RAB4A: variants seen among roughly 807,000 people sequenced by gnomAD.
RAB4A encodes the protein RAB4A, member RAS oncogene family.
RAB4A carries 20 observed loss-of-function variants against 34.5 expected under a neutral mutation model. That is an observed-to-expected ratio of 0.58 (90% CI 0.41 to 0.84). The LOEUF (loss-of-function observed/expected upper bound fraction) is 0.84, where lower values mean the gene tolerates loss of function less well. RAB4A is among the 40% of genes least tolerant of loss of function. RAB4A has a pLI of 0.00. For synonymous variants in RAB4A, 102 were observed against 100.0 expected (o/e 1.02, Z -0.12); for missense variants, 228 against 274.5 (o/e 0.83, Z 1.20).
Position 229,302,847 on chromosome 1 carries a change from T to A in RAB4A, c.542-15T>A. On this transcript the variant is annotated splice_polypyrimidine_tract_variant and intron_variant, in intron 6 of 7. Coordinates refer to ENST00000366690, the MANE Select transcript of RAB4A (RefSeq NM_004578.4). The stretch of plus-strand genomic sequence containing the variant: ...ATAAAAGCCTTTTTTAAAAGAAGAC[T>A]TGCTTGGTCCTTAGGTGAGCTGGAC... 1 of 1,570,162 alleles carries A rather than the reference T, an allele frequency of 6.4e-7. No individual in the cohort carries two copies.
chr1:229,275,932 A>G (rs1656632561), intron 1 of RAB4A, among the ~76,000 whole-genome samples: 1 of 151,120 alleles, frequency 6.6e-6, no homozygotes, highest in Non-Finnish European at 1.5e-5. Flanking sequence ...GTGTATAAAT[A>G]GCATTTCAAA....
In RAB4A at chr1:229,282,943, T is replaced by A. The variant is rs144971322; in HGVS notation, c.32-3543T>A. ...CATTTGTCATCTTGACATAGGAATA[T>A]GTCTGTTACCTTTTTTCGTTCAGTT... On this transcript the variant is annotated intron_variant, in intron 1 of 7. Transcript: ENST00000366690. Among the ~76,000 whole-genome samples the A allele has an allele frequency of 1.4e-4, 22 of 152,386 alleles. No individual in the cohort carries two copies. In the East Asian group the frequency reaches 4.0e-3, roughly 28 times the overall value.
intron 6 of RAB4A, among the ~76,000 whole-genome samples, chr1:229,300,304 G>A: frequency 6.6e-6 from 1 of 152,218 alleles, no homozygotes; most frequent in Non-Finnish European, 1.5e-5. Context: ...GATAAGTCAT[G>A]TATGTAGGAG....
intron 3 of RAB4A, among the ~76,000 whole-genome samples, chr1:229,292,164 A>G (rs549199480): frequency 6.6e-6 from 1 of 152,012 alleles, no homozygotes; most frequent in South Asian, 2.1e-4. Context: ...ACATGTATAC[A>G]TACATATGTA....
At chr1:229,296,620 G>C (rs1220857256) in intron 4 of RAB4A, among the ~76,000 whole-genome samples, 1 of 152,196 alleles carries the variant, frequency 6.6e-6, no homozygotes, top group African/African-American at 2.4e-5. Flanking sequence ...GCTGATCTCA[G>C]TAGCACTGTC....
chr1:229,299,514 G>C (rs1188780569), intron 6 of RAB4A, among the ~76,000 whole-genome samples: 1 of 152,160 alleles, frequency 6.6e-6, no homozygotes, highest in Non-Finnish European at 1.5e-5. Flanking sequence ...GAACTATGGA[G>C]TCCAGAGTAA....
At chr1:229,299,771 T>A (rs1657334654) in intron 6 of RAB4A, among the ~76,000 whole-genome samples, 1 of 152,032 alleles carries the variant, frequency 6.6e-6, no homozygotes, top group South Asian at 2.1e-4. Context: ...CCCAAGAAAC[T>A]GTCTTTCATG....
chr1:229,304,875 GTA>G lies in RAB4A; in HGVS notation c.*1088_*1089del, dbSNP rs1372644082. 1 of 243,506 alleles carries G rather than the reference GTA, an allele frequency of 4.1e-6. No homozygotes were observed. Among genetic ancestry groups the G allele is most frequent in the Non-Finnish European group, 7.8e-6 (1 of 128,694 alleles). 15.1% of individuals were successfully genotyped at this position (243,506 alleles called of 1,614,324 possible). A position where few individuals can be genotyped will look rare whatever the true frequency, so the allele number is the denominator to read the frequency against. On this transcript the variant is annotated 3_prime_UTR_variant, in exon 8 of 8. Transcript: ENST00000366690. The stretch of plus-strand genomic sequence containing the variant: ...TATAAGGTATATTGGGTATATTGAA[GTA>G]TATATTGTATTACAAAGACTTGTTC...
rs868383598 is a variant in RAB4A at position 229,302,277 on chromosome 1, A to T, written c.542-585A>T. Among the ~76,000 whole-genome samples the T allele has an allele frequency of 5.4e-4, 8 of 14,826 alleles. 1 individual carries two copies. The highest frequency in any genetic ancestry group is 1.5e-3 in the South Asian group (1 of 648). 9.7% of individuals were successfully genotyped at this position (14,826 alleles called of 152,430 possible). A position where few individuals can be genotyped will look rare whatever the true frequency, so the allele number is the denominator to read the frequency against. On this transcript the variant is annotated intron_variant, in intron 6 of 7. Transcript: ENST00000366690. ...AATAATTATATATATATATATATAT[A>T]TATATATATATATATATATATATAT...
intron 1 of RAB4A, among the ~76,000 whole-genome samples, chr1:229,277,459 A>T (rs1558234723): frequency 1.3e-5 from 2 of 151,088 alleles, no homozygotes; most frequent in South Asian, 4.2e-4. Flanking sequence ...CCAGCATTTC[A>T]TCAAGGTTCC....
intron 5 of RAB4A, among the ~76,000 whole-genome samples, chr1:229,298,479 G>A (rs1657300795): frequency 6.6e-6 from 1 of 152,246 alleles, no homozygotes; most frequent in Admixed American, 6.5e-5. Context: ...AGGCCTTTCT[G>A]CTGAGATGAA....
In RAB4A at chr1:229,287,597, C is replaced by T. The variant is rs1279292011; in HGVS notation, c.112+1031C>T. Among the ~76,000 whole-genome samples, 4 of 152,194 alleles carry T rather than the reference C, an allele frequency of 2.6e-5. No homozygotes were observed. The East Asian group carries it at 5.8e-4, about 22-fold the overall frequency. ...GAACTCCCCTGCATGGTCCTCTCTG[C>T]AACTCCTCACAACAGTAATGAACGG... On this transcript the variant is annotated intron_variant, in intron 2 of 7. Transcript: ENST00000366690.
At chr1:229,284,006 G>A (rs1656851205) in intron 1 of RAB4A, among the ~76,000 whole-genome samples, 1 of 151,068 alleles carries the variant, frequency 6.6e-6, no homozygotes, top group Non-Finnish European at 1.5e-5. Context: ...CAAAGTGCAG[G>A]AATTACAGGC....
chr1:229,295,944 T>G, intron 4 of RAB4A, 34 bp downstream of exon 4: 1 of 1,609,680 alleles, frequency 6.2e-7, no homozygotes, highest in South Asian at 1.1e-5. Context: ...AGGAGGGTGC[T>G]CAGTGCCCTG....
chr1:229,294,552 A>C (rs978795001), intron 3 of RAB4A, among the ~76,000 whole-genome samples: 5 of 152,208 alleles, frequency 3.3e-5, no homozygotes, highest in Non-Finnish European at 5.9e-5. Flanking sequence ...AGAAAGTTGG[A>C]TGTGGGGCCA....
chr1:229,292,405 G>A (rs185582679), intron 3 of RAB4A, among the ~76,000 whole-genome samples: 12 of 152,268 alleles, frequency 7.9e-5, no homozygotes, highest in South Asian at 4.1e-4. Context: ...AAGAGAACTC[G>A]TAGTTCCCTC....
chr1:229,283,545 G>T lies in RAB4A; in HGVS notation c.32-2941G>T, dbSNP rs146995517. Reference sequence around the variant, plus strand: ...GGCTACAGAGAGCAGGCTTTTGCTAGGACTTTTTTTGTCTGCATCCATTGG... The same window carrying T: ...GGCTACAGAGAGCAGGCTTTTGCTATGACTTTTTTTGTCTGCATCCATTGG... On this transcript the variant is annotated intron_variant, in intron 1 of 7. Coordinates refer to ENST00000366690, the MANE Select transcript of RAB4A (RefSeq NM_004578.4). 1.1e-4 allele frequency among the ~76,000 whole-genome samples: 17 copies of T among 152,214 alleles called. No homozygotes were observed. The East Asian group carries it at 3.1e-3, about 28-fold the overall frequency.
intron 2 of RAB4A, among the ~76,000 whole-genome samples, chr1:229,287,363 A>G (rs1656950696): frequency 6.6e-6 from 1 of 152,222 alleles, no homozygotes; most frequent in Non-Finnish European, 1.5e-5. Flanking sequence ...TTCATCACCC[A>G]AGAGCTTGTT....
intron 2 of RAB4A, 81 bp from the exon 3 acceptor site, chr1:229,288,648 G>C: frequency 1.4e-6 from 1 of 713,362 alleles, no homozygotes; most frequent in African/African-American, 1.8e-5. Context: ...TGTAACTCTT[G>C]GTTTTAGTGT....
Sources: gnomAD v4.1 joint callset for allele counts (sites outside exome capture counted in the v4.1 genomes callset) on GRCh38, gnomAD v4.1.1 for gene constraint, MANE v1.5 for transcripts, NCBI Gene and HGNC (gene_info 2026-07-23, HGNC 2026-07-21) for gene names.